EFCAB8: variants seen among roughly 807,000 people sequenced by gnomAD.
The protein encoded by EFCAB8 is EF-hand calcium binding domain 8, also known as EF-hand calcium-binding domain-containing protein 8.
EFCAB8 carries 100 observed loss-of-function variants against 116.3 expected under a neutral mutation model. The observed-to-expected ratio is 0.86, with a 90% CI of 0.73 to 1.02. The LOEUF (loss-of-function observed/expected upper bound fraction) is 1.02. EFCAB8 is among the 50% of genes least tolerant of loss of function. EFCAB8 has a pLI of 0.00. For synonymous variants in EFCAB8, 558 were observed against 567.9 expected, an observed-to-expected ratio of 0.98 and a Z score of 0.25; for missense variants, 1,320 against 1,416.9, an observed-to-expected ratio of 0.93 and a Z score of 1.10.
chr20:32,939,349 C>A (rs1988309868), intron 22 of EFCAB8, among the ~76,000 whole-genome samples: 1 of 143,528 alleles, frequency 7.0e-6, no homozygotes, highest in Non-Finnish European at 1.5e-5. Context: ...GTGGTGCAAT[C>A]TCAGCTCACT....
In EFCAB8 at chr20:32,959,864, A is replaced by C. The variant is rs1259417647; in HGVS notation, c.3176A>C (p.Lys1059Thr). Residue 1059 changes from lysine to threonine, a missense_variant, in exon 25 of 27, where the codon AAG (lysine) becomes ACG (threonine). Lys to Thr is a moderately conservative substitution (Grantham distance 78). Transcript: ENST00000400522. Reference protein sequence around the residue: ...LMALLHGKADKEADTWAKLQK... With the variant: ...LMALLHGKADTEADTWAKLQK... ...GCTCTCCTGCATGGGAAGGCAGATA[A>C]GGAGGCAGACACTTGGGCCAAGCTG... The C allele has an allele frequency of 6.4e-7, 1 of 1,550,786 alleles. No homozygotes were observed. The highest frequency in any genetic ancestry group is 1.7e-4 in the Middle Eastern group (1 of 5,990).
intron 23 of EFCAB8, among the ~76,000 whole-genome samples, chr20:32,953,455 G>A (rs1214170342): frequency 6.6e-6 from 1 of 152,268 alleles, no homozygotes; most frequent in East Asian, 1.9e-4. Flanking sequence ...ACATGCACAA[G>A]GGTTCCAATT....
chr20:32,876,492 C>T (rs902132715), intron 4 of EFCAB8, among the ~76,000 whole-genome samples: 5 of 152,098 alleles, frequency 3.3e-5, no homozygotes, highest in African/African-American at 7.3e-5. Context: ...TGGTTCTAAA[C>T]GTTCGACAAT....
intron 23 of EFCAB8, among the ~76,000 whole-genome samples, chr20:32,953,887 T>A (rs1446309395): frequency 1.3e-5 from 2 of 152,204 alleles, no homozygotes; most frequent in Non-Finnish European, 2.9e-5. Context: ...CTCAGCTCAC[T>A]GCAACCTTCA....
At chr20:32,951,715 T>C (rs989376611) in intron 23 of EFCAB8, among the ~76,000 whole-genome samples, 1 of 152,240 alleles carries the variant, frequency 6.6e-6, no homozygotes, top group Non-Finnish European at 1.5e-5. Context: ...GGTATCTTAC[T>C]GTGATTTTAA....
chr20:32,890,530 G>A (rs1214286541), intron 7 of EFCAB8, among the ~76,000 whole-genome samples: 1 of 152,160 alleles, frequency 6.6e-6, no homozygotes, highest in African/African-American at 2.4e-5. Flanking sequence ...TCAACTCAGT[G>A]TCTCAGTGCC....
chr20:32,926,354 C>A (rs572750400), intron 20 of EFCAB8, among the ~76,000 whole-genome samples: 18 of 151,268 alleles, frequency 1.2e-4, no homozygotes, highest in African/African-American at 3.4e-4. Context: ...GTTGTGTGCA[C>A]GTTAAATTTT....
rs1988343442 is a variant in EFCAB8 at position 32,940,007 on chromosome 20, C to CCTGCCTG, written c.2791-3628_2791-3627insTGCCTGC. Among the ~76,000 whole-genome samples the CCTGCCTG allele has an allele frequency of 3.4e-5, 2 of 58,276 alleles. 1 individual carries two copies. The highest frequency in any genetic ancestry group is 1.6e-4 in the African/African-American group (2 of 12,214). 38.2% of individuals were successfully genotyped at this position (58,276 alleles called of 152,430 possible). The stretch of plus-strand genomic sequence containing the variant: ...ACTGTGCCTGCCTGCCTGCCTGCCT[C>CCTGCCTG]CCTCCCTCCCTCCCTCCCTTCCTTC... On this transcript the variant is annotated intron_variant, in intron 22 of 26. Transcript: ENST00000400522.
Position 32,960,163 on chromosome 20 carries a change from TA to T in EFCAB8, c.3393+4del, listed in dbSNP as rs1449531693. On this transcript the variant is annotated splice_donor_region_variant and intron_variant, in intron 26 of 26. Coordinates refer to ENST00000400522, the MANE Select transcript of EFCAB8 (RefSeq NM_001143967.2). ...CCATATGGCTGGATGAAGCATCAGG[TA>T]AGGTGGGATGGGGCAGCTCCCCAAG... is the stretch of plus-strand genomic sequence containing the variant. 6.4e-7 allele frequency: 1 copy of T among 1,551,268 alleles called. No homozygotes were observed. Among genetic ancestry groups the T allele is most frequent in the African/African-American group, 1.4e-5 (1 of 73,002 alleles).
chr20:32,905,373 A>T (rs945912651), intron 11 of EFCAB8, among the ~76,000 whole-genome samples: 2 of 152,208 alleles, frequency 1.3e-5, no homozygotes, highest in Non-Finnish European at 2.9e-5. Flanking sequence ...AGTTTGATGA[A>T]GAATGGACGG....
At position 32,918,513 on chromosome 20, in the gene EFCAB8, C is replaced by T. The variant is rs200191926; in HGVS notation, c.2213C>T (p.Ser738Leu). Residue 738 changes from serine (S) to leucine (L), a missense_variant, in exon 19 of 27, where the codon TCG becomes TTG. Physicochemically the swap from Ser to Leu is moderately radical, Grantham distance 145 (BLOSUM62 -2). Coordinates refer to ENST00000400522, the MANE Select transcript of EFCAB8 (RefSeq NM_001143967.2). ...ACCAACCTGAGGCGGAGCCTGGTGT[C>T]GGCTCCCCCAGTGATGCGGTGCCCG... ...ANTNLRRSLVSAPPVMRCPRD... is the reference protein window; with the variant it reads ...ANTNLRRSLVLAPPVMRCPRD... The T allele has an allele frequency of 6.8e-5, 106 of 1,551,582 alleles. No homozygotes were observed. The highest frequency in any genetic ancestry group is 1.7e-4 in the South Asian group (14 of 84,066).
intron 5 of EFCAB8, among the ~76,000 whole-genome samples, chr20:32,885,212 G>A (rs910526260): frequency 1.3e-5 from 2 of 152,168 alleles, no homozygotes; most frequent in South Asian, 2.1e-4. Flanking sequence ...ATCACGTCGC[G>A]AGGAGGCTGG....
chr20:32,917,219 C>T, intron 17 of EFCAB8, 82 bp from the exon 18 acceptor site: 2 of 1,145,122 alleles, frequency 1.7e-6, no homozygotes, highest in South Asian at 1.5e-5. Context: ...CTCCCAGAAT[C>T]CTCAAGGCTC....
chr20:32,939,525 C>T (rs556712998), intron 22 of EFCAB8, among the ~76,000 whole-genome samples: 6 of 147,548 alleles, frequency 4.1e-5, no homozygotes, highest in South Asian at 4.3e-4. Context: ...CTTTGTGGTC[C>T]GCCTGCCTTG....
intron 15 of EFCAB8, among the ~76,000 whole-genome samples, 169 bp downstream of exon 15, chr20:32,910,100 T>C (rs188694292): frequency 4.9e-4 from 74 of 152,284 alleles, no homozygotes; most frequent in Admixed American, 4.8e-3. Context: ...AGAAAGCAGC[T>C]CTACAGATGG....
Position 32,861,578 on chromosome 20 carries a change from C to T in EFCAB8, c.-10-2205C>T, listed in dbSNP as rs184689341. ...TGCTAGAAGTACAGATGTGAGCCAC[C>T]GCGCCTAGCCGTTGAAACACATGTT... is the stretch of plus-strand genomic sequence containing the variant. On this transcript the variant is annotated intron_variant, in intron 1 of 26. Transcript: ENST00000400522. Among the ~76,000 whole-genome samples the T allele has an allele frequency of 2.7e-3, 413 of 152,248 alleles. 1 individual carries two copies. Among genetic ancestry groups the T allele is most frequent in the Non-Finnish European group, 4.4e-3 (299 of 68,010 alleles).
At chr20:32,944,273 G>A (rs963065166) in intron 23 of EFCAB8, among the ~76,000 whole-genome samples, 2 of 151,912 alleles carry the variant, frequency 1.3e-5, no homozygotes, top group Non-Finnish European at 2.9e-5. Context: ...CTATGTGTTT[G>A]TTTGTTTGTT....
intron 20 of EFCAB8, among the ~76,000 whole-genome samples, chr20:32,928,248 T>A (rs1987750546): frequency 6.6e-6 from 1 of 152,026 alleles, no homozygotes; most frequent in African/African-American, 2.4e-5. Context: ...TTATTTTTTT[T>A]TTTTTGAGAC....
At chr20:32,900,390 CTTG>C (rs1482090579) in intron 11 of EFCAB8, among the ~76,000 whole-genome samples, 1 of 151,984 alleles carries the variant, frequency 6.6e-6, no homozygotes, top group Non-Finnish European at 1.5e-5. Flanking sequence ...GAGACGGAAT[CTTG>C]TTGTGTCACC....
Sources: allele counts gnomAD v4.1 joint callset (sites outside exome capture counted in the v4.1 genomes callset), GRCh38; gene constraint gnomAD v4.1.1; transcripts MANE v1.5; gene names NCBI Gene and HGNC (gene_info 2026-07-23, HGNC 2026-07-21).